The following SAV1 variants were observed in gnomAD, a reference collection of about 807,000 sequenced individuals.
SAV1 encodes the protein protein salvador homolog 1.
SAV1 carries 23 observed loss-of-function variants against 47.3 expected under a neutral mutation model. That is an observed-to-expected ratio of 0.49 (90% CI 0.35 to 0.69). SAV1 has a LOEUF of 0.69. Ranked by LOEUF, SAV1 falls within the 30% of genes least tolerant of loss-of-function variation. The probability of loss-of-function intolerance (pLI) is 0.01; values close to 1 mark genes in which losing one functional copy is unlikely to be tolerated. For synonymous variants in SAV1, 155 were observed against 159.2 expected, an observed-to-expected ratio of 0.97 and a Z score of 0.20; for missense variants, 448 against 457.4, an observed-to-expected ratio of 0.98 and a Z score of 0.19.
At chr14:50,663,526 T>C (rs1481588465) in intron 2 of SAV1, among the ~76,000 whole-genome samples, 1 of 152,196 alleles carries the variant, frequency 6.6e-6, no homozygotes, top group Non-Finnish European at 1.5e-5. Context: ...TCCACATGCC[T>C]AGAAAACCTC....
chr14:50,667,372 T>C (rs1167639646), intron 1 of SAV1: 7 of 455,194 alleles, frequency 1.5e-5, no homozygotes, highest in Non-Finnish European at 3.1e-5. Flanking sequence ...AACGACGGTA[T>C]GCTTTTCACC....
At chr14:50,659,935 A>ATGTTT (rs1279101725) in intron 2 of SAV1, among the ~76,000 whole-genome samples, 1 of 152,210 alleles carries the variant, frequency 6.6e-6, no homozygotes, top group Non-Finnish European at 1.5e-5. Flanking sequence ...CTGGCCAAAC[A>ATGTTT]GGCCAGGCCA....
At chr14:50,639,613 C>CA (rs2039665289) in intron 4 of SAV1, among the ~76,000 whole-genome samples, 1 of 152,146 alleles carries the variant, frequency 6.6e-6, no homozygotes, top group African/African-American at 2.4e-5. Flanking sequence ...CACAGAACCA[C>CA]AGAATTCAAA....
In SAV1 at chr14:50,634,111, G is replaced by C; in HGVS notation, c.*1072C>G. On this transcript the variant is annotated 3_prime_UTR_variant, in exon 5 of 5. Coordinates refer to ENST00000324679, the MANE Select transcript of SAV1 (RefSeq NM_021818.4). ...AACCCAGTCTGTCAGAAGGCAGTAT[G>C]CTATGCTGTCAGGAACTCTCCACTG... 1 of 450,408 alleles carries C rather than the reference G, an allele frequency of 2.2e-6. No homozygotes were observed. The highest frequency in any genetic ancestry group is 4.5e-6 in the Non-Finnish European group (1 of 223,574). 27.9% of individuals were successfully genotyped at this position (450,408 alleles called of 1,614,324 possible).
intron 4 of SAV1, among the ~76,000 whole-genome samples, chr14:50,640,332 C>T (rs1018007543): frequency 6.6e-6 from 1 of 152,082 alleles, no homozygotes; most frequent in Non-Finnish European, 1.5e-5. Context: ...GTTGCCTAGA[C>T]TGGTCTCGAA....
At chr14:50,663,753 A>T (rs978707216) in intron 2 of SAV1, among the ~76,000 whole-genome samples, 3 of 152,224 alleles carry the variant, frequency 2.0e-5, no homozygotes, top group South Asian at 4.1e-4. Context: ...ATCTACCCTT[A>T]ATTCTAGTAC....
Position 50,635,247 on chromosome 14 carries a change from G to T in SAV1, c.1088C>A (p.Thr363Lys), listed in dbSNP as rs763861546. Residue 363 changes from threonine (T) to lysine (K), a missense_variant, in exon 5 of 5, where the codon ACA becomes AAA. Coordinates refer to ENST00000324679, the MANE Select transcript of SAV1 (RefSeq NM_021818.4). Reference protein sequence around the residue: ...MYEAYRQALLTELENRKQRQQ... With the variant: ...MYEAYRQALLKELENRKQRQQ... ...TCTCTGCTTTCGGTTTTCCAACTCT[G>T]TAAGAAGGGCTTGTCTGTATGCTTC... 3.7e-6 allele frequency: 6 copies of T among 1,613,982 alleles called. No individual in the cohort carries two copies. The East Asian group carries it at 8.9e-5, about 24-fold the overall frequency.
At chr14:50,637,940 C>G (rs74589917) in intron 4 of SAV1, 7,542 of 152,300 alleles carry the variant, frequency 0.05, 206 homozygotes, top group African/African-American at 0.069. Flanking sequence ...CTGACTCTGC[C>G]TCTCAAGTAG....
At chr14:50,642,401 A>G (rs1302981446) in intron 3 of SAV1, among the ~76,000 whole-genome samples, 2 of 151,774 alleles carry the variant, frequency 1.3e-5, no homozygotes, top group Non-Finnish European at 2.9e-5. Flanking sequence ...AGGCAGGAGA[A>G]TTGCTTGAAC....
intron 4 of SAV1, among the ~76,000 whole-genome samples, chr14:50,635,696 T>C (rs1012562255): frequency 4.6e-5 from 7 of 152,302 alleles, no homozygotes; most frequent in African/African-American, 1.7e-4. Flanking sequence ...TTAACTGCTA[T>C]TTACATATAA....
intron 3 of SAV1, among the ~76,000 whole-genome samples, chr14:50,641,418 T>G (rs1346471874): frequency 6.6e-6 from 1 of 152,018 alleles, no homozygotes; most frequent in African/African-American, 2.4e-5. Context: ...ATACTTTAGT[T>G]CTAATAGCCT....
intron 4 of SAV1, among the ~76,000 whole-genome samples, chr14:50,637,380 C>G (rs1219152006): frequency 6.6e-6 from 1 of 152,090 alleles, no homozygotes; most frequent in Admixed American, 6.6e-5. Context: ...ATTTTATGTG[C>G]TCCTTGGAAA....
At chr14:50,648,513 C>T (rs1008744178) in intron 2 of SAV1, among the ~76,000 whole-genome samples, 3 of 152,186 alleles carry the variant, frequency 2.0e-5, no homozygotes, top group Non-Finnish European at 1.5e-5. Flanking sequence ...GGTGCGGTGG[C>T]TCATGCCTGT....
rs202149998 is a variant in SAV1 at position 50,644,902 on chromosome 14, A to T, written c.648T>A (p.Tyr216Ter). 1 of 1,613,976 alleles carries T rather than the reference A, an allele frequency of 6.2e-7. No homozygotes were observed. Among genetic ancestry groups the T allele is most frequent in the Non-Finnish European group, 8.5e-7 (1 of 1,180,014 alleles). ...SVDWTMRGRK[Y>*]YIDHNTNTTH... ...TTGTATTTGTGTTATGATCTATATA[A>T]TATTTTCTCCCTCTCATTGTCCAGT... Residue 216 changes from tyrosine (Y) to a stop codon, truncating the protein, a stop_gained, in exon 3 of 5, where the codon TAT (tyrosine) becomes TAA (stop). Transcript: ENST00000324679. LOFTEE classifies it high-confidence loss of function.
intron 2 of SAV1, chr14:50,662,546 T>C (rs966150800): frequency 3.9e-5 from 6 of 152,364 alleles, no homozygotes; most frequent in Non-Finnish European, 7.3e-5. Flanking sequence ...AAGTTGTGAC[T>C]GGAAAGTTGC....
chr14:50,635,437 T>C, intron 4 of SAV1, 53 bp from the exon 5 acceptor site: 1 of 1,374,088 alleles, frequency 7.3e-7, no homozygotes. Flanking sequence ...TAAACATGTA[T>C]TTCTAGCAAG....
rs2039892699 is a variant in SAV1 at position 50,665,384 on chromosome 14, A to G, written c.330T>C (p.Tyr110=). 1 of 1,611,934 alleles carries G rather than the reference A, an allele frequency of 6.2e-7. No individual in the cohort carries two copies. The highest frequency in any genetic ancestry group is 2.2e-5 in the East Asian group (1 of 44,850). Residue 110 remains tyrosine, a synonymous_variant, in exon 2 of 5, where the codon TAT becomes TAC. Transcript: ENST00000324679. ...ARSLADVPRE[Y]GSSQSFVTEV... ...CCGTTACAAATGACTGAGAAGAACC[A>G]TACTCTCTAGGGACATCTGCTAGAC...
In SAV1 at chr14:50,668,246, C is replaced by G. The variant is rs1566750614; in HGVS notation, c.-279G>C. On this transcript the variant is annotated 5_prime_UTR_variant, in exon 1 of 5. Coordinates refer to ENST00000324679, the MANE Select transcript of SAV1 (RefSeq NM_021818.4). ...CGGGGACGCCGTGAGGAAAGCCCAG[C>G]GACGCCGGGCCAGGGCCAGGGCCAT... The G allele has an allele frequency of 1.5e-5, 2 of 132,014 alleles. No individual in the cohort carries two copies. Among genetic ancestry groups the G allele is most frequent in the South Asian group, 3.0e-4 (1 of 3,384 alleles). 8.2% of individuals were successfully genotyped at this position (132,014 alleles called of 1,614,324 possible).
chr14:50,660,592 C>T lies in SAV1; in HGVS notation c.535+4587G>A, dbSNP rs1243761162. 5.3e-5 allele frequency among the ~76,000 whole-genome samples: 8 copies of T among 152,248 alleles called. No homozygotes were observed. The East Asian group carries it at 9.6e-4, about 18-fold the overall frequency. ...TCAGGGTATTTAGGGTATCCATCAC[C>T]GTGAGTATTTATCATTTCTATGTGT... On this transcript the variant is annotated intron_variant, in intron 2 of 4. Transcript: ENST00000324679.
Sources: allele counts gnomAD v4.1 joint callset (sites outside exome capture counted in the v4.1 genomes callset), GRCh38; gene constraint gnomAD v4.1.1; transcripts MANE v1.5; gene names NCBI Gene and HGNC (gene_info 2026-07-23, HGNC 2026-07-21).